TSHR: variants seen among roughly 807,000 people sequenced by gnomAD.
TSHR encodes the protein thyrotropin receptor.
TSHR carries 51 observed loss-of-function variants against 64.1 expected under a neutral mutation model. The ratio of observed to expected loss-of-function variants is 0.80; its 90% CI spans 0.64 to 1.01. The LOEUF (loss-of-function observed/expected upper bound fraction) is 1.01. Among genes scored for constraint, TSHR ranks in the 50% least tolerant of loss-of-function variants. The probability of loss-of-function intolerance (pLI) is 0.00; values close to 1 mark genes in which losing one functional copy is unlikely to be tolerated. For synonymous variants in TSHR, 361 were observed against 361.9 expected (o/e 1.00, Z 0.03); for missense variants, 877 against 942.8 (o/e 0.93, Z 0.91).
intron 7 of TSHR, among the ~76,000 whole-genome samples, chr14:81,100,097 G>A (rs747008313): frequency 1.3e-5 from 2 of 152,218 alleles, no homozygotes; most frequent in African/African-American, 4.8e-5. Flanking sequence ...GGGGAGCTAT[G>A]TTCCTTTAAA....
Position 81,139,862 on chromosome 14 carries a change from CAG to C in TSHR, c.879_880del (p.Gly294AsnfsTer3), listed in dbSNP as rs746213369. Reference protein sequence around the residue: ...CCAFKNQKKIRGILESLMCNE... With the variant: ...CCAFKNQKKIXGILESLMCNE... ...GTGCTTTTAAGAATCAGAAGAAAAT[CAG>C]AGGGTAAGTGGCAGGGACCCGGCAT... On this transcript the variant is annotated frameshift_variant, in exon 9 of 10. Coordinates refer to ENST00000298171, the MANE Select transcript of TSHR (RefSeq NM_000369.5). LOFTEE classifies it high-confidence loss of function. 8.1e-6 allele frequency: 13 copies of C among 1,614,058 alleles called. No individual in the cohort carries two copies. The highest frequency in any genetic ancestry group is 1.0e-5 in the Non-Finnish European group (12 of 1,180,038).
At chr14:81,102,331 T>C (rs1889645016) in intron 7 of TSHR, among the ~76,000 whole-genome samples, 1 of 152,110 alleles carries the variant, frequency 6.6e-6, no homozygotes. Flanking sequence ...AGATATTCTG[T>C]CAGTGACAAT....
chr14:81,042,148 T>C (rs1486930525), intron 1 of TSHR, among the ~76,000 whole-genome samples: 1 of 152,114 alleles, frequency 6.6e-6, no homozygotes, highest in Non-Finnish European at 1.5e-5. Context: ...AAATGACAAA[T>C]GCTAGTATAG....
intron 2 of TSHR, among the ~76,000 whole-genome samples, chr14:81,062,576 C>G (rs1886322009): frequency 6.6e-6 from 1 of 152,200 alleles, no homozygotes; most frequent in East Asian, 1.9e-4. Flanking sequence ...AGACAAACAT[C>G]CATCTGTCCT....
chr14:80,971,048 T>C (rs1887565782), intron 1 of TSHR, among the ~76,000 whole-genome samples: 2 of 152,108 alleles, frequency 1.3e-5, no homozygotes, highest in Non-Finnish European at 2.9e-5. Context: ...GGTCTTGAAC[T>C]CCTGACCTCA....
intron 1 of TSHR, among the ~76,000 whole-genome samples, chr14:81,020,790 A>G (rs1270460244): frequency 6.6e-6 from 1 of 152,210 alleles, no homozygotes; most frequent in Non-Finnish European, 1.5e-5. Context: ...AGTATGTTTC[A>G]GACAATTTCA....
At chr14:81,038,287 T>C (rs973059413) in intron 1 of TSHR, among the ~76,000 whole-genome samples, 4 of 151,512 alleles carry the variant, frequency 2.6e-5, no homozygotes, top group Admixed American at 2.0e-4. Flanking sequence ...TTGAAACAAA[T>C]GAAAATGGAA....
At chr14:80,956,479 T>A (rs1886694699) in intron 1 of TSHR, among the ~76,000 whole-genome samples, 1 of 152,254 alleles carries the variant, frequency 6.6e-6, no homozygotes, top group African/African-American at 2.4e-5. Flanking sequence ...AGTACATTTA[T>A]CTGCATGTTA....
chr14:81,082,815 C>G (rs1319706370), intron 3 of TSHR, among the ~76,000 whole-genome samples: 1 of 152,142 alleles, frequency 6.6e-6, no homozygotes, highest in Non-Finnish European at 1.5e-5. Context: ...TCATCCCCAT[C>G]TAATTTTGCA....
intron 8 of TSHR, among the ~76,000 whole-genome samples, chr14:81,138,248 T>C (rs1480144193): frequency 2.8e-5 from 4 of 144,884 alleles, no homozygotes; most frequent in East Asian, 2.0e-4. Flanking sequence ...TGGAGTACAA[T>C]GGCGTGGTCT....
chr14:81,063,023 C>T (rs1256042387), intron 2 of TSHR, among the ~76,000 whole-genome samples: 1 of 152,102 alleles, frequency 6.6e-6, no homozygotes, highest in Non-Finnish European at 1.5e-5. Context: ...CTACTGGCAC[C>T]TAGTGGGTAA....
intron 1 of TSHR, among the ~76,000 whole-genome samples, chr14:80,998,657 A>G (rs1439789007): frequency 6.6e-6 from 1 of 152,094 alleles, no homozygotes; most frequent in East Asian, 1.9e-4. Context: ...TCTAAAGCCA[A>G]TATAAAGAAA....
intron 8 of TSHR, among the ~76,000 whole-genome samples, chr14:81,131,709 C>G (rs539292876): frequency 3.3e-5 from 5 of 152,316 alleles, no homozygotes; most frequent in African/African-American, 1.2e-4. Context: ...CCTCAACTAT[C>G]TCCTCAATGA....
At chr14:81,094,903 G>A (rs1595101204) in intron 6 of TSHR, among the ~76,000 whole-genome samples, 1 of 151,688 alleles carries the variant, frequency 6.6e-6, no homozygotes, top group East Asian at 1.9e-4. Flanking sequence ...TTTTGATTGG[G>A]CATTACATTT....
intron 1 of TSHR, among the ~76,000 whole-genome samples, chr14:80,986,895 A>T (rs1888484536): frequency 6.6e-6 from 1 of 152,244 alleles, no homozygotes; most frequent in African/African-American, 2.4e-5. Flanking sequence ...CTGATTCGTT[A>T]TTCCACAGTG....
At chr14:81,003,924 C>T (rs919576490) in intron 1 of TSHR, among the ~76,000 whole-genome samples, 2 of 152,134 alleles carry the variant, frequency 1.3e-5, no homozygotes, top group Non-Finnish European at 2.9e-5. Context: ...TTAGTAACAT[C>T]GCCAGAACCT....
intron 1 of TSHR, among the ~76,000 whole-genome samples, chr14:80,956,380 T>C (rs1385463277): frequency 1.3e-5 from 2 of 152,262 alleles, no homozygotes; most frequent in Non-Finnish European, 2.9e-5. Context: ...TGTAAGTTAC[T>C]TACTCAAATG....
At chr14:80,978,059 C>T (rs1887969163) in intron 1 of TSHR, among the ~76,000 whole-genome samples, 1 of 150,868 alleles carries the variant, frequency 6.6e-6, no homozygotes, top group Non-Finnish European at 1.5e-5. Context: ...TGCTTTCCTT[C>T]ATCTTCCTTG....
intron 1 of TSHR, among the ~76,000 whole-genome samples, chr14:80,985,017 G>A (rs772276352): frequency 9.5e-4 from 144 of 152,302 alleles, no homozygotes; most frequent in Non-Finnish European, 1.8e-3. Context: ...TTGGGAAGCC[G>A]AGGCGGGTGG....
Sources: allele counts gnomAD v4.1 joint callset (sites outside exome capture counted in the v4.1 genomes callset), GRCh38; gene constraint gnomAD v4.1.1; transcripts MANE v1.5; gene names NCBI Gene and HGNC (gene_info 2026-07-23, HGNC 2026-07-21).